OTOG: variants seen among roughly 807,000 people sequenced by gnomAD.
The protein encoded by OTOG is otogelin.
A neutral mutation model predicts 313.8 loss-of-function variants in OTOG; 296 were observed. The observed-to-expected ratio is 0.94, with a 90% CI of 0.86 to 1.04. OTOG has a LOEUF of 1.04. Ranked by LOEUF, OTOG falls within the 50% of genes least tolerant of loss-of-function variation. OTOG has a pLI of 0.00. For missense variants in OTOG, 3,948 were observed against 3,840.1 expected (o/e 1.03, Z -0.74); for synonymous variants, 1,533 against 1,554.9 (o/e 0.99, Z 0.33).
intron 33 of OTOG, among the ~76,000 whole-genome samples, chr11:17,607,540 G>A (rs764571665): frequency 3.9e-5 from 6 of 152,214 alleles, no homozygotes; most frequent in East Asian, 3.8e-4. Context: ...TAATAATAGC[G>A]CCTACTTCCT....
chr11:17,549,259 G>A (rs1851880977), intron 3 of OTOG, among the ~76,000 whole-genome samples: 2 of 152,170 alleles, frequency 1.3e-5, no homozygotes, highest in African/African-American at 4.8e-5. Context: ...CAGCTCAAGT[G>A]CCCCTGCCCC....
At chr11:17,554,499 C>T (rs1852012077) in intron 6 of OTOG, among the ~76,000 whole-genome samples, 1 of 152,246 alleles carries the variant, frequency 6.6e-6, no homozygotes, top group African/African-American at 2.4e-5. Flanking sequence ...ACCCCTCCAC[C>T]TGGAGGAAAG....
intron 37 of OTOG, 88 bp downstream of exon 37, chr11:17,612,418 C>CA: frequency 6.9e-7 from 1 of 1,446,204 alleles, no homozygotes; most frequent in Non-Finnish European, 9.1e-7. Context: ...GTGTCCCAGA[C>CA]TCCCCTCCTG....
At chr11:17,563,963 T>TG (rs1433501461) in intron 15 of OTOG, among the ~76,000 whole-genome samples, 1 of 151,638 alleles carries the variant, frequency 6.6e-6, no homozygotes, top group Non-Finnish European at 1.5e-5. Flanking sequence ...CTCCCAGTGT[T>TG]GGGGTTATAG....
Position 17,547,946 on chromosome 11 carries a change from G to T in OTOG, c.114G>T (p.Trp38Cys). The change falls in exon 2 of 56, where the codon TGG becomes TGT. Residue 38 changes from tryptophan to cysteine, a missense_variant. Trp to Cys is a radical substitution (Grantham distance 215). Coordinates refer to ENST00000399397, the MANE Select transcript of OTOG (RefSeq NM_001292063.2). ...VQRLAAAPVL[W>C]GSAEPQPEPA... ...CCCCAGCCGCAGCACCCGTTCTGTGGGGCAGTGCAGAGCCACAGCCAGAGC... is the reference window on the plus strand; with the variant it reads ...CCCCAGCCGCAGCACCCGTTCTGTGTGGCAGTGCAGAGCCACAGCCAGAGC... 2.0e-6 allele frequency: 1 copy of T among 489,916 alleles called. No homozygotes were observed. The highest frequency in any genetic ancestry group is 3.6e-6 in the Non-Finnish European group (1 of 281,372). 30.3% of individuals were successfully genotyped at this position (489,916 alleles called of 1,614,324 possible).
At chr11:17,617,135 A>G (rs1853740582) in intron 39 of OTOG, among the ~76,000 whole-genome samples, 1 of 152,102 alleles carries the variant, frequency 6.6e-6, no homozygotes, top group Non-Finnish European at 1.5e-5. Context: ...TCTTTTTCAC[A>G]TTATTAATTT....
At position 17,578,349 on chromosome 11, in the gene OTOG, C is replaced by T. The variant is rs913505556; in HGVS notation, c.2606-24C>T. 42 of 1,470,276 alleles carry T rather than the reference C, an allele frequency of 2.9e-5. No individual in the cohort carries two copies. The Admixed American group carries it at 3.2e-4, about 11-fold the overall frequency. 91.1% of individuals were successfully genotyped at this position (1,470,276 alleles called of 1,614,324 possible). The stretch of plus-strand genomic sequence containing the variant: ...GCCCATACTGAGGCCCCAGGGCCTC[C>T]GCTCCCATCTTCTTCTCTTCCAGCT... On this transcript the variant is annotated intron_variant, in intron 22 of 55. Transcript: ENST00000399397.
rs531801375 is a variant in OTOG at position 17,622,258 on chromosome 11, G to GTA, written c.6529-6867_6529-6866dup. 1.8e-4 allele frequency among the ~76,000 whole-genome samples: 28 copies of GTA among 152,160 alleles called. No homozygotes were observed. The East Asian group carries it at 5.4e-3, about 29-fold the overall frequency. ...TTTAATTTTTATGGGTAGATAGTAG[G>GTA]TATATATATTTGTGGGGTACATAAG... On this transcript the variant is annotated intron_variant, in intron 39 of 55. Coordinates refer to ENST00000399397, the MANE Select transcript of OTOG (RefSeq NM_001292063.2).
intron 8 of OTOG, 86 bp from the exon 9 acceptor site, chr11:17,558,099 G>A (rs1469896241): frequency 2.7e-6 from 4 of 1,473,726 alleles, no homozygotes; most frequent in Non-Finnish European, 3.7e-6. Flanking sequence ...CCATCCCTTG[G>A]GATCCGCTTT....
chr11:17,554,972 G>A (rs1177522003), intron 6 of OTOG, among the ~76,000 whole-genome samples: 2 of 152,186 alleles, frequency 1.3e-5, no homozygotes. Flanking sequence ...GGTCACAAAA[G>A]CTTGAAAACC....
intron 40 of OTOG, among the ~76,000 whole-genome samples, chr11:17,631,403 C>T (rs1434831998): frequency 1.1e-4 from 16 of 149,050 alleles, no homozygotes; most frequent in Non-Finnish European, 8.9e-5. Context: ...GGGGGGTATA[C>T]ATTTTTATAT....
rs58448442 is a variant in OTOG, at chr11:17,547,976, C to T, written c.144C>T (p.Ala48=). ...GTGCAGAGCCACAGCCAGAGCCAGC[C>T]GGGCAACCCAGGTGAGTAGGTGTGA... ...WGSAEPQPEP[A]GQPSSSHQEA... Residue 48 remains alanine (A), a synonymous_variant, in exon 2 of 56, where the codon GCC becomes GCT. Transcript: ENST00000399397. The T allele has an allele frequency of 1.3e-5, 8 of 601,900 alleles. No homozygotes were observed. The highest frequency in any genetic ancestry group is 1.9e-5 in the Non-Finnish European group (7 of 373,406). 37.3% of individuals were successfully genotyped at this position (601,900 alleles called of 1,614,324 possible). A position where few individuals can be genotyped will look rare whatever the true frequency, so the allele number is the denominator to read the frequency against.
At chr11:17,569,320 G>T in intron 16 of OTOG, 32 bp downstream of exon 16, 1 of 1,549,438 alleles carries the variant, frequency 6.5e-7, no homozygotes, top group Non-Finnish European at 8.7e-7. Flanking sequence ...AGACCTAGTT[G>T]GGAACTGAGG....
rs147715006 is a variant in OTOG at position 17,606,162 on chromosome 11, G to A, written c.4156+27G>A. ...TAGGCGACCCCCTGCCATTGCCCTC[G>A]GCCCTTTGGCCCTCTCAGTCCACTG... On this transcript the variant is annotated intron_variant, in intron 33 of 55. Transcript: ENST00000399397. The A allele has an allele frequency of 3.8e-5, 57 of 1,502,914 alleles. No homozygotes were observed. In the East Asian group the frequency reaches 9.2e-4, roughly 24 times the overall value. 93.1% of individuals were successfully genotyped at this position (1,502,914 alleles called of 1,614,324 possible).
At chr11:17,641,797 C>T (rs901960188) in intron 51 of OTOG, 50 bp from the exon 52 acceptor site, 2 of 1,352,990 alleles carry the variant, frequency 1.5e-6, no homozygotes, top group Non-Finnish European at 2.0e-6. Flanking sequence ...GTGGGAGAGC[C>T]AGGGTGGAGG....
At chr11:17,593,573 C>A (rs1200993970) in intron 26 of OTOG, 37 bp from the exon 27 acceptor site, 27 of 1,542,998 alleles carry the variant, frequency 1.7e-5, no homozygotes, top group Non-Finnish European at 2.4e-5. Context: ...CGCTAGGGGG[C>A]ACTTGGGCTC....
At chr11:17,601,277 G>T (rs1456943136) in intron 31 of OTOG, among the ~76,000 whole-genome samples, 1 of 152,142 alleles carries the variant, frequency 6.6e-6, no homozygotes, top group Non-Finnish European at 1.5e-5. Context: ...ATTTGCATGT[G>T]GCAGGAGAGG....
At position 17,558,167 on chromosome 11, in the gene OTOG, GT is replaced by G; in HGVS notation, c.866-17del. Reference sequence around the variant, plus strand: ...AACCCCATCGCTGCCCCATCATGATGTCAGCTCCCTCCTCCAGGGAAGCTGA... The same window carrying G: ...AACCCCATCGCTGCCCCATCATGATGCAGCTCCCTCCTCCAGGGAAGCTGA... On this transcript the variant is annotated splice_polypyrimidine_tract_variant and intron_variant, in intron 8 of 55. Coordinates refer to ENST00000399397, the MANE Select transcript of OTOG (RefSeq NM_001292063.2). The G allele has an allele frequency of 6.5e-7, 1 of 1,550,276 alleles. No homozygotes were observed. Among genetic ancestry groups the G allele is most frequent in the South Asian group, 1.2e-5 (1 of 84,032 alleles).
chr11:17,605,918 C>G lies in OTOG; in HGVS notation c.3939C>G (p.Ala1313=), dbSNP rs1554974304. The G allele has an allele frequency of 1.9e-6, 3 of 1,550,574 alleles. No individual in the cohort carries two copies. The highest frequency in any genetic ancestry group is 2.6e-6 in the Non-Finnish European group (3 of 1,146,956). Residue 1313 remains alanine, a synonymous_variant, in exon 33 of 56, where the codon GCC becomes GCG. Coordinates refer to ENST00000399397, the MANE Select transcript of OTOG (RefSeq NM_001292063.2). The part of the protein sequence containing the change: ...DRPNFFLHVT[A]NGSLELAKWQ... ...CCAACTTCTTCCTTCACGTCACAGC[C>G]AACGGGTCTCTGGAGCTGGCTAAGT...
Sources: gnomAD v4.1 joint callset for allele counts (sites outside exome capture counted in the v4.1 genomes callset) on GRCh38, gnomAD v4.1.1 for gene constraint, MANE v1.5 for transcripts, NCBI Gene and HGNC (gene_info 2026-07-23, HGNC 2026-07-21) for gene names.